CORIN: variants seen among roughly 807,000 people sequenced by gnomAD.
The protein encoded by CORIN is corin, serine peptidase, also known as atrial natriuretic peptide-converting enzyme.
A neutral mutation model predicts 125.3 loss-of-function variants in CORIN; 117 were observed. The ratio of observed to expected loss-of-function variants is 0.93; its 90% CI spans 0.80 to 1.09. The LOEUF (loss-of-function observed/expected upper bound fraction) is 1.09, where lower values mean the gene tolerates loss of function less well. Among genes scored for constraint, CORIN ranks in the 50% least tolerant of loss-of-function variants. The pLI is 0.00. For synonymous variants in CORIN, 450 were observed against 466.4 expected (o/e 0.96, Z 0.45); for missense variants, 1,253 against 1,306.7 (o/e 0.96, Z 0.63).
chr4:47,653,475 T>A lies in CORIN; in HGVS notation c.1843+78A>T. On this transcript the variant is annotated intron_variant, in intron 13 of 21. Transcript: ENST00000273857. ...CCTAGTCCTACTATCAGTGAATAGT[T>A]TCCATTTTTAACACAGTTTCTTATT... is the stretch of plus-strand genomic sequence containing the variant. 7 of 1,154,662 alleles carry A rather than the reference T, an allele frequency of 6.1e-6. No individual in the cohort carries two copies. In the South Asian group the frequency reaches 9.1e-5, roughly 15 times the overall value. 71.5% of individuals were successfully genotyped at this position (1,154,662 alleles called of 1,614,324 possible). A position where few individuals can be genotyped will look rare whatever the true frequency, so the allele number is the denominator to read the frequency against.
At chr4:47,646,488 A>C (rs1723489426) in intron 13 of CORIN, among the ~76,000 whole-genome samples, 1 of 152,250 alleles carries the variant, frequency 6.6e-6, no homozygotes, top group African/African-American at 2.4e-5. Flanking sequence ...TATTTAATAA[A>C]TGCCATTGAT....
intron 20 of CORIN, among the ~76,000 whole-genome samples, chr4:47,602,929 G>T (rs1721500908): frequency 6.6e-6 from 1 of 151,982 alleles, no homozygotes; most frequent in East Asian, 1.9e-4. Context: ...TGAGATCTTG[G>T]CTCACTGCAG....
At chr4:47,662,124 C>T (rs1442536591) in intron 11 of CORIN, among the ~76,000 whole-genome samples, 1 of 152,168 alleles carries the variant, frequency 6.6e-6, no homozygotes, top group Non-Finnish European at 1.5e-5. Context: ...CACAGATTCC[C>T]TTCTCTACAC....
At chr4:47,805,337 G>A (rs1048396039) in intron 2 of CORIN, among the ~76,000 whole-genome samples, 1 of 151,788 alleles carries the variant, frequency 6.6e-6, no homozygotes, top group Non-Finnish European at 1.5e-5. Flanking sequence ...CACCCACTAT[G>A]TACCCACAAA....
rs145263584 is a variant in CORIN, at chr4:47,766,698, C to T, written c.410-3112G>A. On this transcript the variant is annotated intron_variant, in intron 3 of 21. Transcript: ENST00000273857. ...CAGTGGCTCACACCTGTAATCCCAG[C>T]ACTTTGGGAGGCTGAGGTGGGCGGA... 9.0e-3 allele frequency among the ~76,000 whole-genome samples: 1,364 copies of T among 152,176 alleles called. 10 individuals are homozygous for T. The highest frequency in any genetic ancestry group is 0.02 in the Middle Eastern group (6 of 294).
At chr4:47,677,753 C>T (rs547750220) in intron 9 of CORIN, among the ~76,000 whole-genome samples, 185 bp downstream of exon 9, 1 of 152,284 alleles carries the variant, frequency 6.6e-6, no homozygotes, top group East Asian at 1.9e-4. Flanking sequence ...GTGTAAGTTG[C>T]TTGAGAATTA....
chr4:47,810,494 A>G (rs1382740959), intron 1 of CORIN, among the ~76,000 whole-genome samples: 2 of 152,176 alleles, frequency 1.3e-5, no homozygotes, highest in African/African-American at 4.8e-5. Flanking sequence ...TGTTTCTTCT[A>G]TCTTAAGAAC....
At chr4:47,756,323 G>C (rs1395023341) in intron 4 of CORIN, among the ~76,000 whole-genome samples, 1 of 152,188 alleles carries the variant, frequency 6.6e-6, no homozygotes, top group East Asian at 1.9e-4. Context: ...CAGAAACTAT[G>C]GTAGGGACTT....
At chr4:47,738,012 T>C (rs1453664105) in intron 5 of CORIN, among the ~76,000 whole-genome samples, 1 of 151,792 alleles carries the variant, frequency 6.6e-6, no homozygotes, top group Admixed American at 6.6e-5. Context: ...AAAAAATTAA[T>C]AATCGATTAA....
chr4:47,791,676 C>T (rs772998410), intron 2 of CORIN, among the ~76,000 whole-genome samples: 14 of 152,190 alleles, frequency 9.2e-5, no homozygotes, highest in Non-Finnish European at 2.1e-4. Context: ...TACATATACA[C>T]ACACTTTTCA....
At chr4:47,768,482 AG>A (rs1729868702) in intron 3 of CORIN, among the ~76,000 whole-genome samples, 1 of 152,266 alleles carries the variant, frequency 6.6e-6, no homozygotes, top group African/African-American at 2.4e-5. Context: ...TTACAAAGCC[AG>A]CATTGCCCTG....
chr4:47,628,847 T>C (rs936238420), intron 16 of CORIN, among the ~76,000 whole-genome samples: 2 of 152,180 alleles, frequency 1.3e-5, no homozygotes, highest in African/African-American at 4.8e-5. Flanking sequence ...AGTGTGTGTA[T>C]GTGTATTCTT....
intron 5 of CORIN, among the ~76,000 whole-genome samples, chr4:47,694,481 A>ATG (rs368729113): frequency 0.035 from 4,992 of 141,186 alleles, 100 homozygotes; most frequent in Middle Eastern, 0.093. Flanking sequence ...GTGTTTGTGT[A>ATG]TGTGTGTGTG....
At chr4:47,828,242 T>A (rs534519800) in intron 1 of CORIN, among the ~76,000 whole-genome samples, 22 of 152,288 alleles carry the variant, frequency 1.4e-4, no homozygotes, top group African/African-American at 4.8e-4. Context: ...AAGAGCACCT[T>A]TTGTTCTAAC....
chr4:47,804,932 C>T (rs932277493), intron 2 of CORIN, among the ~76,000 whole-genome samples: 5 of 151,228 alleles, frequency 3.3e-5, no homozygotes, highest in Admixed American at 6.6e-5. Context: ...GTCAGGAGAT[C>T]GAGACCATCC....
rs1577728305 is a variant in CORIN, at chr4:47,603,677, A to G, written c.2541-9T>C. The G allele has an allele frequency of 9.3e-6, 15 of 1,609,758 alleles. No homozygotes were observed. The East Asian group carries it at 2.7e-4, about 29-fold the overall frequency. On this transcript the variant is annotated splice_polypyrimidine_tract_variant and intron_variant, in intron 19 of 21. Coordinates refer to ENST00000273857, the MANE Select transcript of CORIN (RefSeq NM_006587.4). ...CTGCAGCATTCTCTCTCCTAAAATT[A>G]TAATTCAAGAGCTATTGGCATCTTA...
intron 5 of CORIN, among the ~76,000 whole-genome samples, chr4:47,732,042 G>A (rs1727899176): frequency 6.6e-6 from 1 of 152,024 alleles, no homozygotes; most frequent in African/African-American, 2.4e-5. Flanking sequence ...TTAGGGAAGT[G>A]GAATAAAATT....
intron 19 of CORIN, among the ~76,000 whole-genome samples, chr4:47,619,358 T>C (rs1722209738): frequency 6.6e-6 from 1 of 152,218 alleles, no homozygotes; most frequent in Admixed American, 6.5e-5. Context: ...CCTATCAAAG[T>C]ATGGGATCAG....
chr4:47,632,734 G>GAT (rs1722867600), intron 16 of CORIN, among the ~76,000 whole-genome samples: 1 of 110,670 alleles, frequency 9.0e-6, no homozygotes, highest in African/African-American at 3.6e-5. Flanking sequence ...ATGATAGATA[G>GAT]ATAGATAGAT....
Sources: gnomAD v4.1 joint callset for allele counts (sites outside exome capture counted in the v4.1 genomes callset) on GRCh38, gnomAD v4.1.1 for gene constraint, MANE v1.5 for transcripts, NCBI Gene and HGNC (gene_info 2026-07-23, HGNC 2026-07-21) for gene names.